The following SFRP4 variants were observed in gnomAD, a reference collection of about 807,000 sequenced individuals.
SFRP4 encodes the protein secreted frizzled related protein 4.
A neutral mutation model predicts 36.3 loss-of-function variants in SFRP4; 25 were observed. The ratio of observed to expected loss-of-function variants is 0.69; its 90% CI spans 0.50 to 0.96. The LOEUF (loss-of-function observed/expected upper bound fraction) is 0.96, where lower values mean the gene tolerates loss of function less well. Among genes scored for constraint, SFRP4 ranks in the 40% least tolerant of loss-of-function variants. The pLI is 0.00. For missense variants in SFRP4, 487 were observed against 459.6 expected (o/e 1.06, Z -0.54); for synonymous variants, 182 against 168.8 (o/e 1.08, Z -0.60).
chr7:37,907,705 C>A (rs745902127), intron 5 of SFRP4, 41 bp from the exon 6 acceptor site: 1 of 1,489,546 alleles, frequency 6.7e-7, no homozygotes, highest in Non-Finnish European at 9.2e-7. Context: ...AATTATCTCA[C>A]CCCTTTATGG....
rs1315581219 is a variant in SFRP4 at position 37,906,165 on chromosome 7, A to G, written c.*1314T>C. The G allele has an allele frequency of 6.6e-6, 1 of 152,228 alleles. No individual in the cohort carries two copies. Among genetic ancestry groups the G allele is most frequent in the Non-Finnish European group, 1.5e-5 (1 of 68,036 alleles). The allele number at this position is 152,228 out of a possible 1,614,324, so 9.4% of individuals were successfully genotyped here. A position where few individuals can be genotyped will look rare whatever the true frequency, so the allele number is the denominator to read the frequency against. On this transcript the variant is annotated 3_prime_UTR_variant, in exon 6 of 6. Transcript: ENST00000436072. ...TAGTTTTATTTGTTCAAATCATTTT[A>G]TAAGTGCATAAGAAACACCTGGAGA...
In SFRP4 at chr7:37,916,464, T is replaced by C; in HGVS notation, c.74A>G (p.Glu25Gly). 6.2e-7 allele frequency: 1 copy of C among 1,613,234 alleles called. No individual in the cohort carries two copies. The highest frequency in any genetic ancestry group is 1.7e-5 in the Admixed American group (1 of 59,976). ...LALGVRGAPC[E>G]AVRIPMCRHM... is the part of the protein sequence containing the mutation. ...CCGGCACATAGGGATGCGCACCGCC[T>C]CGCAGGGCGCGCCGCGCACGCCCAG... Residue 25 changes from glutamate (E) to glycine (G), a missense_variant, in exon 1 of 6, where the codon GAG (glutamate) becomes GGG (glycine). Transcript: ENST00000436072. The surrounding 1 kb of genome is among the most constrained non-coding windows in gnomAD (Gnocchi z 4.1).
chr7:37,916,675 G>C lies in SFRP4; in HGVS notation c.-138C>G, dbSNP rs1583656986. On this transcript the variant is annotated 5_prime_UTR_variant, in exon 1 of 6. Coordinates refer to ENST00000436072, the MANE Select transcript of SFRP4 (RefSeq NM_003014.4). The surrounding 1 kb of genome is among the most constrained non-coding windows in gnomAD (Gnocchi z 4.1). Reference sequence around the variant, plus strand: ...GAGTTTCTTCCCCCAAACTCCAGTCGGCAGCAAAGCGGGGCCGCGGGGTCC... The same window carrying C: ...GAGTTTCTTCCCCCAAACTCCAGTCCGCAGCAAAGCGGGGCCGCGGGGTCC... 6.0e-6 allele frequency: 8 copies of C among 1,335,800 alleles called. No individual in the cohort carries two copies. In the East Asian group the frequency reaches 1.5e-4, roughly 25 times the overall value. 82.7% of individuals were successfully genotyped at this position (1,335,800 alleles called of 1,614,324 possible). A position where few individuals can be genotyped will look rare whatever the true frequency, so the allele number is the denominator to read the frequency against.
At position 37,916,412 on chromosome 7, in the gene SFRP4, C is replaced by T. The variant is rs933340448; in HGVS notation, c.126G>A (p.Met42Ile). ...CRHMPWNITR[M>I]PNHLHHSTQE... ...GCGTGCTGTGGTGCAGGTGGTTGGGCATCCGCGTGATGTTCCAGGGCATGT... is the reference window on the plus strand; with the variant it reads ...GCGTGCTGTGGTGCAGGTGGTTGGGTATCCGCGTGATGTTCCAGGGCATGT... Residue 42 changes from methionine to isoleucine, a missense_variant, in exon 1 of 6, where the codon ATG (methionine) becomes ATA (isoleucine). Physicochemically the swap from Met to Ile is conservative, Grantham distance 10 (BLOSUM62 1). Transcript: ENST00000436072. This position sits in a 1 kb window ranked among gnomAD's most constrained non-coding sequence, Gnocchi z 4.1. The T allele has an allele frequency of 6.2e-7, 1 of 1,614,128 alleles. No homozygotes were observed. Among genetic ancestry groups the T allele is most frequent in the Non-Finnish European group, 8.5e-7 (1 of 1,179,992 alleles).
At chr7:37,914,145 C>A (rs1367507755) in intron 3 of SFRP4, 68 bp downstream of exon 3, 4 of 1,229,346 alleles carry the variant, frequency 3.3e-6, no homozygotes, top group African/African-American at 1.5e-5. Context: ...GTGAGAGCGA[C>A]CTTATTGAGA....
At chr7:37,909,562 G>T in intron 5 of SFRP4, 55 bp downstream of exon 5, 2 of 1,018,548 alleles carry the variant, frequency 2.0e-6, no homozygotes, top group South Asian at 2.0e-5. Context: ...CAACTCTAAA[G>T]AAATCTGTTA....
rs1458544240 is a variant in SFRP4, at chr7:37,907,143, CA to C, written c.*335del. 5.5e-6 allele frequency: 1 copy of C among 182,302 alleles called. No individual in the cohort carries two copies. The highest frequency in any genetic ancestry group is 1.1e-5 in the Non-Finnish European group (1 of 88,762). 11.3% of individuals were successfully genotyped at this position (182,302 alleles called of 1,614,324 possible). A position where few individuals can be genotyped will look rare whatever the true frequency, so the allele number is the denominator to read the frequency against. ...TGTTTGAAATATGGCATTTATTTTA[CA>C]ATGCACATATTAGGTCGAATTGTAA... On this transcript the variant is annotated 3_prime_UTR_variant, in exon 6 of 6. Coordinates refer to ENST00000436072, the MANE Select transcript of SFRP4 (RefSeq NM_003014.4).
chr7:37,915,571 A>G (rs1785560559), intron 1 of SFRP4, among the ~76,000 whole-genome samples: 1 of 152,268 alleles, frequency 6.6e-6, no homozygotes, highest in African/African-American at 2.4e-5. Flanking sequence ...CTCCGGGCCA[A>G]TGACTATGAA....
intron 5 of SFRP4, 87 bp downstream of exon 5, chr7:37,909,530 T>C (rs909747107): frequency 4.1e-6 from 3 of 733,124 alleles, no homozygotes; most frequent in Middle Eastern, 5.0e-4. Context: ...AGCTTGGAGA[T>C]TAGAGAATGG....
intron 4 of SFRP4, 100 bp from the exon 5 acceptor site, chr7:37,909,780 T>C: frequency 1.6e-6 from 1 of 608,020 alleles, no homozygotes; most frequent in Non-Finnish European, 2.9e-6. Context: ...CTTTACCCCA[T>C]AATCCACACA....
intron 5 of SFRP4, 43 bp from the exon 6 acceptor site, chr7:37,907,707 C>G: frequency 1.4e-6 from 2 of 1,440,532 alleles, no homozygotes; most frequent in Non-Finnish European, 9.6e-7. Context: ...TTATCTCACC[C>G]CTTTATGGTG....
intron 4 of SFRP4, 196 bp from the exon 5 acceptor site, chr7:37,909,876 A>G (rs1342405787): frequency 5.5e-6 from 2 of 365,404 alleles, no homozygotes; most frequent in Non-Finnish European, 9.8e-6. Flanking sequence ...TTGTGTATTG[A>G]GATGATCTGC....
chr7:37,912,478 T>C (rs1453410533), intron 3 of SFRP4, among the ~76,000 whole-genome samples, 161 bp from the exon 4 acceptor site: 1 of 152,336 alleles, frequency 6.6e-6, no homozygotes, highest in South Asian at 2.1e-4. Flanking sequence ...CACAGTCATA[T>C]GCTAAATGGA....
At chr7:37,915,622 C>A (rs190267207) in intron 1 of SFRP4, among the ~76,000 whole-genome samples, 14 of 151,956 alleles carry the variant, frequency 9.2e-5, no homozygotes, top group South Asian at 2.1e-4. Context: ...AATTACAAAT[C>A]TCACTCCTGG....
chr7:37,910,470 CCTTT>C (rs1448513120), intron 4 of SFRP4, among the ~76,000 whole-genome samples: 4 of 151,548 alleles, frequency 2.6e-5, no homozygotes, highest in Non-Finnish European at 4.4e-5. Flanking sequence ...TTTTTATTTG[CCTTT>C]CTATCATTAT....
intron 1 of SFRP4, among the ~76,000 whole-genome samples, chr7:37,915,214 A>G (rs1785554554): frequency 6.6e-6 from 1 of 152,216 alleles, no homozygotes; most frequent in Non-Finnish European, 1.5e-5. Flanking sequence ...ATAACCCTCT[A>G]TTATTTATAT....
At chr7:37,914,317 C>T (rs774528399) in intron 2 of SFRP4, 39 bp from the exon 3 acceptor site, 8 of 1,612,268 alleles carry the variant, frequency 5.0e-6, no homozygotes, top group Middle Eastern at 1.6e-4. Context: ...GGAAAAAGAA[C>T]AGAAATCACT....
In SFRP4 at chr7:37,912,303, T is replaced by C. The variant is rs1165249599; in HGVS notation, c.607A>G (p.Ile203Val). The change falls in exon 4 of 6, where the codon ATA becomes GTA. Residue 203 changes from isoleucine (I) to valine (V), a missense_variant. By Grantham distance (29) the Ile-to-Val change is conservative. Transcript: ENST00000436072. ...KNYSYVIHAKIKAVQRSGCNE... is the reference protein window; with the variant it reads ...KNYSYVIHAKVKAVQRSGCNE... ...CAGCCACTCCTCTGCACAGCTTTTA[T>C]TTTGGCATGAATAACTGCAATTTAA... The C allele has an allele frequency of 6.2e-7, 1 of 1,613,770 alleles. No homozygotes were observed. The highest frequency in any genetic ancestry group is 1.1e-5 in the South Asian group (1 of 91,038).
rs374746733 is a variant in SFRP4 at position 37,914,333 on chromosome 7, G to A, written c.526+40C>T. Reference sequence around the variant, plus strand: ...GAAAAAGAACAGAAATCACTCTGGAGAGGAGAAGTAGAGGGAACGTCCATG... The same window carrying A: ...GAAAAAGAACAGAAATCACTCTGGAAAGGAGAAGTAGAGGGAACGTCCATG... On this transcript the variant is annotated intron_variant, in intron 2 of 5. Transcript: ENST00000436072. 31 of 1,609,530 alleles carry A rather than the reference G, an allele frequency of 1.9e-5. 1 individual carries two copies. Among genetic ancestry groups the A allele is most frequent in the Middle Eastern group, 3.3e-4 (2 of 6,070 alleles).
Sources: allele counts gnomAD v4.1 joint callset (sites outside exome capture counted in the v4.1 genomes callset), GRCh38; gene constraint gnomAD v4.1.1; non-coding constraint Gnocchi (gnomAD v3.1); transcripts MANE v1.5; gene names NCBI Gene and HGNC (gene_info 2026-07-23, HGNC 2026-07-21).